Variants in LMNB2 observed in about 807,000 individuals in gnomAD.
The protein encoded by LMNB2 is lamin B2, also known as lamin-B2.
A neutral mutation model predicts 69.3 loss-of-function variants in LMNB2; 17 were observed. That is an observed-to-expected ratio of 0.25 (90% confidence interval 0.17 to 0.37). The LOEUF is 0.37. Among genes scored for constraint, LMNB2 ranks in the 10% least tolerant of loss-of-function variants. LMNB2 has a pLI of 1.00. For missense variants in LMNB2, 789 were observed against 883.6 expected, an observed-to-expected ratio of 0.89 and a Z score of 1.36; for synonymous variants, 397 against 389.3, an observed-to-expected ratio of 1.02 and a Z score of -0.23.
intron 2 of LMNB2, among the ~76,000 whole-genome samples, chr19:2,441,698 CGACACAGGCTGCCTACCA>C (rs1971902321): frequency 6.6e-6 from 1 of 152,224 alleles, no homozygotes; most frequent in African/African-American, 2.4e-5. Flanking sequence ...GAGGCATCAG[CGACACAGGCTGCCTACCA>C]GACAGGAGGT....
At chr19:2,452,295 A>G (rs1268451165) in intron 1 of LMNB2, among the ~76,000 whole-genome samples, 5 of 152,130 alleles carry the variant, frequency 3.3e-5, no homozygotes, top group African/African-American at 1.2e-4. Context: ...TTAGCCGGGC[A>G]TGGTGGTGGG....
chr19:2,442,317 C>G (rs1273301823), intron 2 of LMNB2, among the ~76,000 whole-genome samples: 1 of 152,060 alleles, frequency 6.6e-6, no homozygotes, highest in Non-Finnish European at 1.5e-5. Context: ...TTAGGCCAGG[C>G]ATGGTGGTTT....
At position 2,431,817 on chromosome 19, in the gene LMNB2, C is replaced by T; in HGVS notation, c.1676G>A (p.Ser559Asn). 1.2e-6 allele frequency: 2 copies of T among 1,613,776 alleles called. No homozygotes were observed. Among genetic ancestry groups the T allele is most frequent in the Non-Finnish European group, 1.7e-6 (2 of 1,179,918 alleles). Residue 559 changes from serine to asparagine, a missense_variant, in exon 10 of 12, where the codon AGC becomes AAC. Coordinates refer to ENST00000325327, the MANE Select transcript of LMNB2 (RefSeq NM_032737.4). Reference protein sequence around the residue: ...KGQSSWGTGESFRTVLVNADG... With the variant: ...KGQSSWGTGENFRTVLVNADG... ...CGCGTTAACCAGGACGGTGCGGAAG[C>T]TCTCGCCCGTGCCCCAGCTGCTCTG...
chr19:2,430,552 C>T lies in LMNB2; in HGVS notation c.*359G>A, dbSNP rs941084286. The T allele has an allele frequency of 6.9e-5, 26 of 379,460 alleles. No homozygotes were observed. The highest frequency in any genetic ancestry group is 4.9e-4 in the Admixed American group (13 of 26,640). 23.5% of individuals were successfully genotyped at this position (379,460 alleles called of 1,614,324 possible). The stretch of plus-strand genomic sequence containing the variant: ...CCACTGAATTCCTACGCAGTTTCCG[C>T]GCTCCGTCCGCAGCAGGGCCGTCTC... On this transcript the variant is annotated 3_prime_UTR_variant, in exon 12 of 12. Coordinates refer to ENST00000325327, the MANE Select transcript of LMNB2 (RefSeq NM_032737.4).
chr19:2,451,581 G>A (rs1053303040), intron 1 of LMNB2, among the ~76,000 whole-genome samples: 7 of 152,204 alleles, frequency 4.6e-5, no homozygotes, highest in African/African-American at 1.2e-4. Flanking sequence ...GTGCTTGTGA[G>A]GCGCTGCAAA....
In LMNB2 at chr19:2,431,403, A is replaced by G. The variant is rs1971737082; in HGVS notation, c.1821+145T>C. ...AACAGGTCTCTGCCGTGCTGGTAACAGCCAAGGCTGGCTTCACCCTGAGCC... is the reference window on the plus strand; with the variant it reads ...AACAGGTCTCTGCCGTGCTGGTAACGGCCAAGGCTGGCTTCACCCTGAGCC... On this transcript the variant is annotated intron_variant, in intron 11 of 11. Coordinates refer to ENST00000325327, the MANE Select transcript of LMNB2 (RefSeq NM_032737.4). 11 of 1,040,488 alleles carry G rather than the reference A, an allele frequency of 1.1e-5. No individual in the cohort carries two copies. In the South Asian group the frequency reaches 1.4e-4, roughly 13 times the overall value. The allele number at this position is 1,040,488 out of a possible 1,614,324, so 64.5% of individuals were successfully genotyped here. A position where few individuals can be genotyped will look rare whatever the true frequency, so the allele number is the denominator to read the frequency against.
At chr19:2,446,490 G>C (rs1157267159) in intron 1 of LMNB2, among the ~76,000 whole-genome samples, 1 of 152,196 alleles carries the variant, frequency 6.6e-6, no homozygotes, top group Non-Finnish European at 1.5e-5. Flanking sequence ...CCACCTGCCC[G>C]GCCTCTGCAC....
At chr19:2,439,424 T>C (rs1216218644) in intron 2 of LMNB2, among the ~76,000 whole-genome samples, 2 of 152,118 alleles carry the variant, frequency 1.3e-5, no homozygotes, top group African/African-American at 4.8e-5. Context: ...TCACAACTGC[T>C]GACATTTGGG....
In LMNB2 at chr19:2,453,438, G is replaced by A. The variant is rs969873278; in HGVS notation, c.264+3232C>T. Among the ~76,000 whole-genome samples the A allele has an allele frequency of 6.6e-6, 1 of 151,582 alleles. No homozygotes were observed. Among genetic ancestry groups the A allele is most frequent in the African/African-American group, 2.4e-5 (1 of 41,212 alleles). On this transcript the variant is annotated intron_variant, in intron 1 of 11. Coordinates refer to ENST00000325327, the MANE Select transcript of LMNB2 (RefSeq NM_032737.4). This position sits in a 1 kb window ranked among gnomAD's most constrained non-coding sequence, Gnocchi z 4.4. ...CTATTCCAGGTCACTCCCTCCATGTGGGCCCACATGACGTCCCCCCACCAG... is the reference window on the plus strand; with the variant it reads ...CTATTCCAGGTCACTCCCTCCATGTAGGCCCACATGACGTCCCCCCACCAG...
intron 4 of LMNB2, among the ~76,000 whole-genome samples, chr19:2,436,381 A>AAAAACAAAACAAAACAAAACAAAAC (rs370520046): frequency 1.8e-3 from 273 of 151,678 alleles, no homozygotes; most frequent in African/African-American, 6.2e-3. Context: ...ACTCCATCTC[A>AAAAACAAAACAAAACAAAACAAAAC]AAAACAAAAC....
At chr19:2,454,820 G>C (rs1278315061) in intron 1 of LMNB2, among the ~76,000 whole-genome samples, 1 of 152,018 alleles carries the variant, frequency 6.6e-6, no homozygotes, top group Non-Finnish European at 1.5e-5. Context: ...CAGTGGGAGG[G>C]ACAAAGAGCC....
chr19:2,444,343 C>T lies in LMNB2; in HGVS notation c.401+61G>A, dbSNP rs1568206362. 11 of 1,601,324 alleles carry T rather than the reference C, an allele frequency of 6.9e-6. No homozygotes were observed. The East Asian group carries it at 1.6e-4, about 23-fold the overall frequency. On this transcript the variant is annotated intron_variant, in intron 2 of 11. Coordinates refer to ENST00000325327, the MANE Select transcript of LMNB2 (RefSeq NM_032737.4). ...CCCGCACGAGCCCAGCGCCCACCTG[C>T]CCCCGTCCACCCCGTGGTGCCAGGA... is the stretch of plus-strand genomic sequence containing the variant.
chr19:2,452,674 C>T (rs772453361), intron 1 of LMNB2, among the ~76,000 whole-genome samples: 1 of 151,604 alleles, frequency 6.6e-6, no homozygotes, highest in African/African-American at 2.4e-5. Flanking sequence ...TGCAGTCAGC[C>T]GAGATCACAC....
Position 2,433,977 on chromosome 19 carries a change from G to C in LMNB2, c.1331C>G (p.Pro444Arg). The C allele has an allele frequency of 6.2e-7, 1 of 1,610,794 alleles. No homozygotes were observed. The highest frequency in any genetic ancestry group is 1.7e-4 in the Middle Eastern group (1 of 6,058). Reference sequence around the variant, plus strand: ...CAGGACGCTTGGGCCGCTGCCCAAGGGCTCCTCCACCTCCAGCCGCTTCCG... The same window carrying C: ...CAGGACGCTTGGGCCGCTGCCCAAGCGCTCCTCCACCTCCAGCCGCTTCCG... ...SKRKRLEVEE[P>R]LGSGPSVLGT... The change falls in exon 8 of 12, where the codon CCC becomes CGC. Residue 444 changes from proline to arginine, a missense_variant. Coordinates refer to ENST00000325327, the MANE Select transcript of LMNB2 (RefSeq NM_032737.4).
rs537847454 is a variant in LMNB2 at position 2,456,495 on chromosome 19, G to A, written c.264+175C>T. Among the ~76,000 whole-genome samples, 3 of 150,094 alleles carry A rather than the reference G, an allele frequency of 2.0e-5. No individual in the cohort carries two copies. The South Asian group carries it at 6.3e-4, about 32-fold the overall frequency. Reference sequence around the variant, plus strand: ...CGATTGCCCACCCCGCGGTGGGAGGGACCTGGCCGAGCTGCACCCCTCACT... The same window carrying A: ...CGATTGCCCACCCCGCGGTGGGAGGAACCTGGCCGAGCTGCACCCCTCACT... On this transcript the variant is annotated intron_variant, in intron 1 of 11. Coordinates refer to ENST00000325327, the MANE Select transcript of LMNB2 (RefSeq NM_032737.4).
rs549907501 is a variant in LMNB2 at position 2,443,311 on chromosome 19, C to T, written c.401+1093G>A. 3.9e-5 allele frequency among the ~76,000 whole-genome samples: 6 copies of T among 152,308 alleles called. No homozygotes were observed. The highest frequency in any genetic ancestry group is 3.9e-4 in the East Asian group (2 of 5,182). Reference sequence around the variant, plus strand: ...TTGGGGAAGGGAAGTCAGCTCTCCACGGGAGCAGCGCCAGCCCAGGAAGGA... The same window carrying T: ...TTGGGGAAGGGAAGTCAGCTCTCCATGGGAGCAGCGCCAGCCCAGGAAGGA... On this transcript the variant is annotated intron_variant, in intron 2 of 11. Coordinates refer to ENST00000325327, the MANE Select transcript of LMNB2 (RefSeq NM_032737.4). The surrounding 1 kb of genome is among the most constrained non-coding windows in gnomAD (Gnocchi z 6.2).
chr19:2,446,787 T>A (rs1971961007), intron 1 of LMNB2, among the ~76,000 whole-genome samples: 1 of 152,086 alleles, frequency 6.6e-6, no homozygotes, highest in Admixed American at 6.6e-5. Flanking sequence ...TGTGACCCGG[T>A]AACTCCACTC....
intron 6 of LMNB2, 21 bp downstream of exon 6, chr19:2,434,767 C>T (rs980247522): frequency 1.9e-5 from 31 of 1,594,322 alleles, no homozygotes; most frequent in Non-Finnish European, 2.6e-5. Context: ...GGACGGCAGA[C>T]GGTGGCGCTG....
At position 2,432,510 on chromosome 19, in the gene LMNB2, C is replaced by A; in HGVS notation, c.1496G>T (p.Gly499Val). Residue 499 changes from glycine (G) to valine (V), a missense_variant, in exon 9 of 12, where the codon GGG (glycine) becomes GTG (valine). Gly to Val is a moderately radical substitution (Grantham distance 109, BLOSUM62 -3). This residue lies in a region of LMNB2 where 609 missense variants were observed against 630.9 expected (regional missense o/e 0.97). Transcript: ENST00000325327. ...KNNSDKDQSL[G>V]NWRIKRQVLE... is the part of the protein sequence containing the mutation. ...GACCTGCCTCTTGATTCTCCAGTTC[C>A]CCAGAGACTGATCCTGGAAGACACG... 2 of 1,613,676 alleles carry A rather than the reference C, an allele frequency of 1.2e-6. No homozygotes were observed. Among genetic ancestry groups the A allele is most frequent in the Non-Finnish European group, 1.7e-6 (2 of 1,179,726 alleles).
Sources: allele counts gnomAD v4.1 joint callset (sites outside exome capture counted in the v4.1 genomes callset), GRCh38; gene constraint gnomAD v4.1.1; regional missense constraint gnomAD v4.1.1; non-coding constraint Gnocchi (gnomAD v3.1); transcripts MANE v1.5; gene names NCBI Gene and HGNC (gene_info 2026-07-23, HGNC 2026-07-21).